The following CREB3L2 variants were observed in gnomAD, a reference collection of about 807,000 sequenced individuals.
CREB3L2 encodes cAMP responsive element binding protein 3 like 2.
Under a neutral mutation model 57.2 loss-of-function variants are expected in CREB3L2, and 23 were observed. That is an observed-to-expected ratio of 0.40 (90% CI 0.29 to 0.57). The LOEUF (loss-of-function observed/expected upper bound fraction) is 0.57. Ranked by LOEUF, CREB3L2 falls within the 20% of genes least tolerant of loss-of-function variation. The pLI, the probability that CREB3L2 is intolerant of heterozygous loss-of-function variation, is 0.42. For missense variants in CREB3L2, 628 were observed against 634.7 expected, an observed-to-expected ratio of 0.99 and a Z score of 0.11; for synonymous variants, 268 against 265.1, an observed-to-expected ratio of 1.01 and a Z score of -0.11.
rs1234362806 is a variant in CREB3L2 at position 137,970,543 on chromosome 7, G to A, written c.102+31061C>T. 2.4e-5 allele frequency among the ~76,000 whole-genome samples: 3 copies of A among 122,534 alleles called. No individual in the cohort carries two copies. In the Admixed American group the frequency reaches 3.3e-4, roughly 14 times the overall value. The allele number at this position is 122,534 out of a possible 152,430, so 80.4% of individuals were successfully genotyped here. ...CACTTGCAATGAAGAAACAGCAACT[G>A]TAAGAAGGAAAAATGGGTCTTCTTC... is the stretch of plus-strand genomic sequence containing the variant. On this transcript the variant is annotated intron_variant, in intron 1 of 11. Coordinates refer to ENST00000330387, the MANE Select transcript of CREB3L2 (RefSeq NM_194071.4).
intron 1 of CREB3L2, among the ~76,000 whole-genome samples, chr7:137,948,859 C>G (rs1801045959): frequency 1.3e-5 from 2 of 152,168 alleles, no homozygotes; most frequent in Non-Finnish European, 2.9e-5. Context: ...GAACAACTGG[C>G]CATTCAAATG....
rs1399176481 is a variant in CREB3L2, at chr7:137,877,768, A to T, written c.*2708T>A. The T allele has an allele frequency of 4.4e-6, 1 of 228,556 alleles. No individual in the cohort carries two copies. The highest frequency in any genetic ancestry group is 8.7e-6 in the Non-Finnish European group (1 of 115,388). 14.2% of individuals were successfully genotyped at this position (228,556 alleles called of 1,614,324 possible). A position where few individuals can be genotyped will look rare whatever the true frequency, so the allele number is the denominator to read the frequency against. Reference sequence around the variant, plus strand: ...AATCTTTAGAGCTAATCATAAGTTAATGACTAGTCTAAGAGGCCACTTGGT... The same window carrying T: ...AATCTTTAGAGCTAATCATAAGTTATTGACTAGTCTAAGAGGCCACTTGGT... On this transcript the variant is annotated 3_prime_UTR_variant, in exon 12 of 12. Coordinates refer to ENST00000330387, the MANE Select transcript of CREB3L2 (RefSeq NM_194071.4).
At chr7:137,997,558 C>CA (rs58803804) in intron 1 of CREB3L2, among the ~76,000 whole-genome samples, 2 of 150,696 alleles carry the variant, frequency 1.3e-5, no homozygotes, top group African/African-American at 4.9e-5. Context: ...CCGTTTCTAC[C>CA]AAAAAAAAAG....
intron 1 of CREB3L2, among the ~76,000 whole-genome samples, chr7:137,946,864 TTATATA>T (rs1157418834): frequency 2.3e-4 from 7 of 30,958 alleles, no homozygotes; most frequent in African/African-American, 1.4e-3. Flanking sequence ...ATCTATATAG[TTATATA>T]TATAGTTATC....
At chr7:137,983,002 GA>G (rs1314981099) in intron 1 of CREB3L2, among the ~76,000 whole-genome samples, 1 of 152,190 alleles carries the variant, frequency 6.6e-6, no homozygotes, top group African/African-American at 2.4e-5. Flanking sequence ...CCAGCACCTT[GA>G]TCCTGGACTT....
chr7:137,908,520 G>A (rs1412501058), intron 4 of CREB3L2, 84 bp from the exon 5 acceptor site: 9 of 1,019,834 alleles, frequency 8.8e-6, no homozygotes, highest in Admixed American at 4.3e-5. Flanking sequence ...ACTAAAGTGT[G>A]AGGGGCCTCC....
chr7:137,990,085 C>G (rs1245815521), intron 1 of CREB3L2, among the ~76,000 whole-genome samples: 1 of 152,214 alleles, frequency 6.6e-6, no homozygotes, highest in Non-Finnish European at 1.5e-5. Context: ...AGCCTCCCAC[C>G]TTCCCGCTTA....
chr7:137,998,252 C>T (rs1050262401), intron 1 of CREB3L2, among the ~76,000 whole-genome samples: 4 of 152,218 alleles, frequency 2.6e-5, no homozygotes, highest in Non-Finnish European at 4.4e-5. Context: ...ATCATAATCT[C>T]AGCCTTGGGT....
intron 1 of CREB3L2, among the ~76,000 whole-genome samples, chr7:137,954,693 A>G (rs1243852645): frequency 6.6e-6 from 1 of 152,302 alleles, no homozygotes; most frequent in East Asian, 1.9e-4. Context: ...AGAGTTTGGA[A>G]TGCTCATGGT....
chr7:137,951,762 G>C (rs946894466), intron 1 of CREB3L2, among the ~76,000 whole-genome samples: 2 of 152,204 alleles, frequency 1.3e-5, no homozygotes, highest in African/African-American at 4.8e-5. Context: ...CAGAAGGACT[G>C]CTTGAACCCA....
At chr7:137,905,927 G>A (rs1392992865) in intron 5 of CREB3L2, 79 bp from the exon 6 acceptor site, 85 of 1,358,922 alleles carry the variant, frequency 6.3e-5, no homozygotes, top group Non-Finnish European at 7.8e-5. Context: ...ATGGGATGAT[G>A]AGAATCTGTT....
intron 4 of CREB3L2, among the ~76,000 whole-genome samples, chr7:137,910,770 A>C (rs896077489): frequency 6.6e-6 from 1 of 152,172 alleles, no homozygotes; most frequent in Admixed American, 6.5e-5. Flanking sequence ...AAGTGAAGCA[A>C]GTAAAATCTT....
chr7:137,904,179 C>T (rs1033064931), intron 6 of CREB3L2, among the ~76,000 whole-genome samples, 162 bp from the exon 7 acceptor site: 6 of 152,198 alleles, frequency 3.9e-5, no homozygotes, highest in Non-Finnish European at 8.8e-5. Flanking sequence ...TCTGTCCTCC[C>T]GGGTTTCTAG....
At chr7:137,941,952 G>C (rs969226611) in intron 1 of CREB3L2, among the ~76,000 whole-genome samples, 1 of 152,022 alleles carries the variant, frequency 6.6e-6, no homozygotes, top group African/African-American at 2.4e-5. Context: ...TAGTGAACTC[G>C]GTCGATTCTA....
chr7:137,885,157 G>T (rs1465879218), intron 9 of CREB3L2, 36 bp from the exon 10 acceptor site: 1 of 1,610,612 alleles, frequency 6.2e-7, no homozygotes, highest in Non-Finnish European at 8.5e-7. Flanking sequence ...GAACACGAGG[G>T]GCTGTGGACT....
chr7:137,901,574 G>C, intron 7 of CREB3L2, 152 bp from the exon 8 acceptor site: 2 of 491,248 alleles, frequency 4.1e-6, no homozygotes. Flanking sequence ...GAAGGATGAA[G>C]AGACTTAAGA....
At chr7:137,896,106 C>A (rs908545244) in intron 8 of CREB3L2, among the ~76,000 whole-genome samples, 2 of 152,216 alleles carry the variant, frequency 1.3e-5, no homozygotes, top group African/African-American at 4.8e-5. Flanking sequence ...GGCTCTAGGG[C>A]AGGGCATTGC....
intron 1 of CREB3L2, among the ~76,000 whole-genome samples, chr7:137,996,059 G>C (rs1328003045): frequency 1.3e-5 from 2 of 152,222 alleles, no homozygotes; most frequent in African/African-American, 4.8e-5. Context: ...GCCACATTAT[G>C]AAATAATGGA....
chr7:137,901,489 G>A, intron 7 of CREB3L2, 67 bp from the exon 8 acceptor site: 1 of 995,330 alleles, frequency 1.0e-6, no homozygotes. Context: ...GAGCTAGGGT[G>A]GAGGTAGGTG....
Sources: gnomAD v4.1 joint callset for allele counts (sites outside exome capture counted in the v4.1 genomes callset) on GRCh38, gnomAD v4.1.1 for gene constraint, MANE v1.5 for transcripts, NCBI Gene and HGNC (gene_info 2026-07-23, HGNC 2026-07-21) for gene names.